Variants in ORC4 observed in about 807,000 individuals in gnomAD.
ORC4 encodes origin recognition complex subunit 4.
ORC4 carries 55 observed loss-of-function variants against 63.9 expected under a neutral mutation model. The ratio of observed to expected loss-of-function variants is 0.86; its 90% CI spans 0.69 to 1.08. The LOEUF is 1.08. Ranked by LOEUF, ORC4 falls within the 50% of genes least tolerant of loss-of-function variation. ORC4 has a pLI of 0.00. For missense variants in ORC4, 511 were observed against 504.4 expected (o/e 1.01, Z -0.13); for synonymous variants, 150 against 168.5 (o/e 0.89, Z 0.85).
chr2:147,968,113 C>G (rs1690002658), intron 4 of ORC4, among the ~76,000 whole-genome samples: 1 of 151,956 alleles, frequency 6.6e-6, no homozygotes, highest in East Asian at 1.9e-4. Context: ...AAACTAGATT[C>G]CCATCTCTCA....
Position 147,938,310 on chromosome 2 carries a change from T to C in ORC4, c.1042A>G (p.Met348Val). The change falls in exon 12 of 14, where the codon ATG becomes GTG. Residue 348 changes from methionine to valine, a missense_variant. Transcript: ENST00000392857. ...AGTCTCATCTCACCATTATAGACCA[T>C]TTGAAAATTAAATGGCTCTTCCTCA... The part of the protein sequence containing the change: ...IYEEEPFNFQ[M>V]VYNEFQKFVQ... 1 of 1,605,406 alleles carries C rather than the reference T, an allele frequency of 6.2e-7. No homozygotes were observed. The highest frequency in any genetic ancestry group is 1.1e-5 in the South Asian group (1 of 90,878).
chr2:147,945,140 C>T (rs151184719), intron 9 of ORC4, among the ~76,000 whole-genome samples: 27 of 152,052 alleles, frequency 1.8e-4, no homozygotes, highest in African/African-American at 5.1e-4. Context: ...GTGGTAAAAT[C>T]GGAGCACTTA....
chr2:147,985,646 C>G (rs1477600956), intron 1 of ORC4, among the ~76,000 whole-genome samples: 3 of 152,210 alleles, frequency 2.0e-5, no homozygotes, highest in African/African-American at 7.2e-5. Flanking sequence ...GTTTGCACAA[C>G]TAACTTAAGC....
intron 4 of ORC4, 75 bp from the exon 5 acceptor site, chr2:147,958,941 G>T: frequency 1.5e-6 from 1 of 687,790 alleles, no homozygotes. Flanking sequence ...TAAACTACAA[G>T]CAGTAAGAAC....
Position 147,933,524 on chromosome 2 carries a change from T to A in ORC4, c.*1986A>T, listed in dbSNP as rs187377554. On this transcript the variant is annotated 3_prime_UTR_variant, in exon 14 of 14. Transcript: ENST00000392857. ...AATTGGTACTTAGTCTTAAAATCTT[T>A]CTTTATACTTGGTTATTGATGGATC... 2.4e-4 allele frequency: 36 copies of A among 152,254 alleles called. No individual in the cohort carries two copies. In the East Asian group the frequency reaches 6.9e-3, roughly 29 times the overall value. The allele number at this position is 152,254 out of a possible 1,614,324, so 9.4% of individuals were successfully genotyped here.
At chr2:147,996,154 A>G (rs748011194) in intron 1 of ORC4, among the ~76,000 whole-genome samples, 1 of 152,122 alleles carries the variant, frequency 6.6e-6, no homozygotes, top group Non-Finnish European at 1.5e-5. Context: ...AAATTCAAAA[A>G]TTAGCTGGGC....
At chr2:147,948,246 C>G (rs778555928) in intron 8 of ORC4, 22 bp from the exon 9 acceptor site, 37 of 1,537,498 alleles carry the variant, frequency 2.4e-5, no homozygotes, top group Non-Finnish European at 3.0e-5. Flanking sequence ...ACAGAAATCT[C>G]TATAAGGAAG....
intron 1 of ORC4, among the ~76,000 whole-genome samples, chr2:148,019,476 C>T (rs1693541592): frequency 6.6e-6 from 1 of 152,152 alleles, no homozygotes; most frequent in Non-Finnish European, 1.5e-5. Context: ...CCTGTAGTTT[C>T]AGCTACTCGG....
chr2:147,975,015 A>ATTG (rs1690460210), intron 2 of ORC4, among the ~76,000 whole-genome samples: 1 of 152,138 alleles, frequency 6.6e-6, no homozygotes, highest in African/African-American at 2.4e-5. Flanking sequence ...TTACATACAA[A>ATTG]GGTATGTAAA....
chr2:148,019,808 T>G lies in ORC4; in HGVS notation c.-18+825A>C, dbSNP rs182263307. Among the ~76,000 whole-genome samples the G allele has an allele frequency of 1.3e-3, 204 of 152,216 alleles. 2 individuals carry two copies. The highest frequency in any genetic ancestry group is 2.4e-3 in the Non-Finnish European group (161 of 68,040). On this transcript the variant is annotated intron_variant, in intron 1 of 13. Coordinates refer to ENST00000392857, the MANE Select transcript of ORC4 (RefSeq NM_181741.4). Reference sequence around the variant, plus strand: ...TTTCACTATAAAAGCTTTACTAATGTAAATTTATAAATCCTTTCTTAAATA... The same window carrying G: ...TTTCACTATAAAAGCTTTACTAATGGAAATTTATAAATCCTTTCTTAAATA...
At chr2:148,007,382 A>T (rs1276396348) in intron 1 of ORC4, among the ~76,000 whole-genome samples, 2 of 152,240 alleles carry the variant, frequency 1.3e-5, no homozygotes, top group Non-Finnish European at 2.9e-5. Context: ...GAATTATATC[A>T]GAGAAACTTA....
intron 1 of ORC4, among the ~76,000 whole-genome samples, chr2:147,990,701 C>T (rs1286548137): frequency 6.6e-6 from 1 of 152,118 alleles, no homozygotes; most frequent in Admixed American, 6.5e-5. Context: ...TTTTTTCCTC[C>T]TCATTTGTTG....
intron 8 of ORC4, among the ~76,000 whole-genome samples, chr2:147,949,198 C>A (rs1217391775): frequency 6.6e-6 from 1 of 151,556 alleles, no homozygotes; most frequent in East Asian, 1.9e-4. Flanking sequence ...ATATAAACAA[C>A]CCAAATGTCC....
At chr2:147,997,046 T>C (rs2105420822) in intron 1 of ORC4, among the ~76,000 whole-genome samples, 1 of 152,096 alleles carries the variant, frequency 6.6e-6, no homozygotes, top group African/African-American at 2.4e-5. Flanking sequence ...CTGTGGTACA[T>C]CCATACAATG....
At chr2:148,013,684 T>TC (rs1366666603) in intron 1 of ORC4, among the ~76,000 whole-genome samples, 1 of 152,120 alleles carries the variant, frequency 6.6e-6, no homozygotes, top group Non-Finnish European at 1.5e-5. Flanking sequence ...TATCACATAC[T>TC]CCCCATTTTA....
intron 4 of ORC4, among the ~76,000 whole-genome samples, chr2:147,962,706 G>A (rs547858197): frequency 1.3e-5 from 2 of 152,192 alleles, no homozygotes; most frequent in East Asian, 1.9e-4. Context: ...AGAGGCCCCC[G>A]AGCATCCAAG....
rs553039069 is a variant in ORC4, at chr2:147,977,783, G to A, written c.-17-1808C>T. Among the ~76,000 whole-genome samples, 3 of 152,330 alleles carry A rather than the reference G, an allele frequency of 2.0e-5. No homozygotes were observed. The South Asian group carries it at 6.2e-4, about 32-fold the overall frequency. On this transcript the variant is annotated intron_variant, in intron 1 of 13. Coordinates refer to ENST00000392857, the MANE Select transcript of ORC4 (RefSeq NM_181741.4). ...TATGCAGAGAAAAGACCTGTTACCA[G>A]GTGTGTGGATGGTTTGGCTTTCTCT...
intron 1 of ORC4, among the ~76,000 whole-genome samples, chr2:148,008,054 G>T (rs996599165): frequency 2.0e-5 from 3 of 152,066 alleles, no homozygotes; most frequent in African/African-American, 7.2e-5. Flanking sequence ...TACATCCACC[G>T]AAATTATCCT....
At chr2:147,954,543 G>C (rs1319989251) in intron 7 of ORC4, among the ~76,000 whole-genome samples, 2 of 152,078 alleles carry the variant, frequency 1.3e-5, no homozygotes, top group Admixed American at 1.3e-4. Context: ...TAAAAATATG[G>C]TTTTATAATC....
Sources: allele counts gnomAD v4.1 joint callset (sites outside exome capture counted in the v4.1 genomes callset), GRCh38; gene constraint gnomAD v4.1.1; transcripts MANE v1.5; gene names NCBI Gene and HGNC (gene_info 2026-07-23, HGNC 2026-07-21).